ADAMTS17: variants seen among roughly 807,000 people sequenced by gnomAD.
The protein encoded by ADAMTS17 is A disintegrin and metalloproteinase with thrombospondin motifs 17.
A neutral mutation model predicts 141.5 loss-of-function variants in ADAMTS17; 113 were observed. The observed-to-expected ratio is 0.80, with a 90% CI of 0.69 to 0.93. The LOEUF is 0.93. Among genes scored for constraint, ADAMTS17 ranks in the 40% least tolerant of loss-of-function variants. ADAMTS17 has a pLI of 0.00. For synonymous variants in ADAMTS17, 768 were observed against 630.6 expected (o/e 1.22, Z -3.27); for missense variants, 1,659 against 1,517.9 (o/e 1.09, Z -1.54).
intron 3 of ADAMTS17, among the ~76,000 whole-genome samples, chr15:100,313,569 AG>A (rs1282697449): frequency 1.3e-5 from 2 of 152,232 alleles, no homozygotes; most frequent in African/African-American, 4.8e-5. Context: ...AGGTAAAATA[AG>A]AATCTACAAC....
intron 12 of ADAMTS17, among the ~76,000 whole-genome samples, chr15:100,125,488 C>T (rs1213399467): frequency 3.9e-5 from 6 of 152,266 alleles, no homozygotes; most frequent in Middle Eastern, 6.8e-3. Flanking sequence ...TGGGCGGCAC[C>T]TCATGATGAC....
At chr15:100,001,613 A>G (rs1005236063) in intron 18 of ADAMTS17, among the ~76,000 whole-genome samples, 4 of 152,156 alleles carry the variant, frequency 2.6e-5, no homozygotes, top group African/African-American at 9.7e-5. Context: ...TGCAGCAGGC[A>G]GTGTGTGAGA....
intron 8 of ADAMTS17, among the ~76,000 whole-genome samples, chr15:100,181,734 G>A (rs569928085): frequency 6.6e-6 from 1 of 152,356 alleles, no homozygotes; most frequent in East Asian, 1.9e-4. Context: ...TCTCCTGAAG[G>A]AGGAGGAAGG....
chr15:100,217,014 A>G (rs1006616165), intron 7 of ADAMTS17, among the ~76,000 whole-genome samples: 23 of 152,340 alleles, frequency 1.5e-4, no homozygotes, highest in Non-Finnish European at 2.9e-4. Context: ...CCTGAAGCTG[A>G]AAATGCTGTT....
At position 100,293,328 on chromosome 15, in the gene ADAMTS17, G is replaced by GT. The variant is rs1293123059; in HGVS notation, c.617-11928dup. On this transcript the variant is annotated intron_variant, in intron 3 of 21. Transcript: ENST00000268070. Reference sequence around the variant, plus strand: ...ATGGCACTGGTCGGCAGGTGGTCCTGTTTTTTACTGGGTGGCATGACCTAG... The same window carrying GT: ...ATGGCACTGGTCGGCAGGTGGTCCTGTTTTTTTACTGGGTGGCATGACCTAG... Among the ~76,000 whole-genome samples the GT allele has an allele frequency of 3.9e-5, 6 of 152,320 alleles. No individual in the cohort carries two copies. In the East Asian group the frequency reaches 9.6e-4, roughly 24 times the overall value.
In ADAMTS17 at chr15:100,341,810, G is replaced by A. The variant is rs1460039534; in HGVS notation, c.79+11C>T. The A allele has an allele frequency of 1.9e-6, 3 of 1,550,274 alleles. No homozygotes were observed. Among genetic ancestry groups the A allele is most frequent in the Admixed American group, 2.0e-5 (1 of 51,078 alleles). On this transcript the variant is annotated intron_variant, in intron 1 of 21. Coordinates refer to ENST00000268070, the MANE Select transcript of ADAMTS17 (RefSeq NM_139057.4). ...ACGCGGGGTGAAGAGGGCTGTGGGA[G>A]GGGGCGCTACCTGTGCCCGGGTCCA... is the stretch of plus-strand genomic sequence containing the variant.
chr15:100,266,266 G>A (rs748084093), intron 4 of ADAMTS17, among the ~76,000 whole-genome samples: 4 of 152,044 alleles, frequency 2.6e-5, no homozygotes, highest in Non-Finnish European at 5.9e-5. Flanking sequence ...CCGTGTCACC[G>A]CCACCCCAAC....
rs138387598 is a variant in ADAMTS17, at chr15:100,248,289, G to A, written c.1075+5847C>T. 6.5e-3 allele frequency among the ~76,000 whole-genome samples: 992 copies of A among 152,276 alleles called. 8 individuals are homozygous for A. The highest frequency in any genetic ancestry group is 0.022 in the African/African-American group (927 of 41,556). On this transcript the variant is annotated intron_variant, in intron 7 of 21. Transcript: ENST00000268070. The stretch of plus-strand genomic sequence containing the variant: ...GATTTAGGCTGGCACAAAAACCACC[G>A]TAGCTCAATTTGGAGGCACGGGTAG...
intron 14 of ADAMTS17, among the ~76,000 whole-genome samples, chr15:100,099,843 T>A (rs889298033): frequency 7.9e-5 from 12 of 152,178 alleles, no homozygotes; most frequent in African/African-American, 2.9e-4. Flanking sequence ...TTGGAAAAGC[T>A]TTAGTGCTCA....
At position 100,341,284 on chromosome 15, in the gene ADAMTS17, G is replaced by C; in HGVS notation, c.205C>G (p.Pro69Ala). Residue 69 changes from proline (P) to alanine (A), a missense_variant, in exon 2 of 22, where the codon CCA becomes GCA. By Grantham distance (27) the Pro-to-Ala change is conservative (BLOSUM62 -1). Transcript: ENST00000268070. Reference protein sequence around the residue: ...PRRRRRPRTPPAAPRARPGER... With the variant: ...PRRRRRPRTPAAAPRARPGER... ...CCGGGCCGGGCGCGCGGGGCGGCTG[G>C]GGGCGTGCGGGGGCGTCGCCGCCGT... 1 of 1,127,210 alleles carries C rather than the reference G, an allele frequency of 8.9e-7. No homozygotes were observed. The highest frequency in any genetic ancestry group is 1.1e-6 in the Non-Finnish European group (1 of 924,124). The allele number at this position is 1,127,210 out of a possible 1,614,324, so 69.8% of individuals were successfully genotyped here. A position where few individuals can be genotyped will look rare whatever the true frequency, so the allele number is the denominator to read the frequency against.
At chr15:100,011,347 A>AGGGATGGGGGGGGG (rs369543651) in intron 18 of ADAMTS17, among the ~76,000 whole-genome samples, 1 of 85,656 alleles carries the variant, frequency 1.2e-5, no homozygotes, top group Admixed American at 1.2e-4. Flanking sequence ...GAAGGAAAGG[A>AGGGATGGGGGGGGG]GGAGGGACGG....
chr15:100,116,133 A>AAAAAAAAAAAAC, intron 13 of ADAMTS17, among the ~76,000 whole-genome samples: 1 of 30,804 alleles, frequency 3.2e-5, no homozygotes, highest in Admixed American at 3.1e-4. Context: ...AGTTTTAGGT[A>AAAAAAAAAAAAC]AAAAAAAAAA....
At chr15:100,241,065 C>T (rs191445370) in intron 7 of ADAMTS17, among the ~76,000 whole-genome samples, 6 of 152,290 alleles carry the variant, frequency 3.9e-5, no homozygotes, top group African/African-American at 1.4e-4. Flanking sequence ...ACCTTGTGAT[C>T]CATCCACATT....
rs2060732454 is a variant in ADAMTS17 at position 99,993,474 on chromosome 15, T to C, written c.2797-274A>G. ...ATAAGGTCACATGAGGGGAGTGGAA[T>C]TCAGTGGCCACTTGTCGGGTCCAAA... On this transcript the variant is annotated intron_variant, in intron 19 of 21. Coordinates refer to ENST00000268070, the MANE Select transcript of ADAMTS17 (RefSeq NM_139057.4). This position sits in a 1 kb window ranked among gnomAD's most constrained non-coding sequence, Gnocchi z 4.3. Among the ~76,000 whole-genome samples the C allele has an allele frequency of 6.6e-6, 1 of 152,018 alleles. No homozygotes were observed. Among genetic ancestry groups the C allele is most frequent in the Non-Finnish European group, 1.5e-5 (1 of 67,986 alleles).
chr15:100,057,996 C>T (rs1293805520), intron 15 of ADAMTS17, among the ~76,000 whole-genome samples: 3 of 151,942 alleles, frequency 2.0e-5, no homozygotes, highest in Non-Finnish European at 4.4e-5. Context: ...GCAGAACAGG[C>T]GAGGAAAGAA....
intron 20 of ADAMTS17, among the ~76,000 whole-genome samples, chr15:99,987,928 C>T (rs1369688485): frequency 6.6e-6 from 1 of 152,014 alleles, no homozygotes; most frequent in East Asian, 1.9e-4. Context: ...CATGTCTATG[C>T]AGCCCCCACT....
At chr15:100,196,521 C>T (rs2041123327) in intron 8 of ADAMTS17, among the ~76,000 whole-genome samples, 1 of 152,264 alleles carries the variant, frequency 6.6e-6, no homozygotes, top group Non-Finnish European at 1.5e-5. Context: ...AGAGCCACAC[C>T]TTTGCGTGCT....
chr15:100,328,022 TCTC>T (rs1225854816), intron 3 of ADAMTS17, among the ~76,000 whole-genome samples: 16 of 151,932 alleles, frequency 1.1e-4, no homozygotes, highest in African/African-American at 9.7e-5. Context: ...TTCTTAGACT[TCTC>T]CTCACCTACA....
chr15:99,992,279 G>T (rs1022888000), intron 20 of ADAMTS17, among the ~76,000 whole-genome samples: 2 of 152,106 alleles, frequency 1.3e-5, no homozygotes, highest in South Asian at 2.1e-4. Context: ...ATCTTTGAGG[G>T]AAGAGCTATC....
Sources: allele counts gnomAD v4.1 joint callset (sites outside exome capture counted in the v4.1 genomes callset), GRCh38; gene constraint gnomAD v4.1.1; non-coding constraint Gnocchi (gnomAD v3.1); transcripts MANE v1.5; gene names NCBI Gene and HGNC (gene_info 2026-07-23, HGNC 2026-07-21).